Variants in AVPI1 observed in about 807,000 individuals in gnomAD.
AVPI1 encodes arginine vasopressin induced 1.
A neutral mutation model predicts 11.9 loss-of-function variants in AVPI1; 9 were observed. The observed-to-expected ratio is 0.76, with a 90% CI of 0.46 to 1.32. The LOEUF is 1.32. Among genes scored for constraint, AVPI1 ranks in the 40% most tolerant of loss-of-function variants. The pLI, the probability that AVPI1 is intolerant of heterozygous loss-of-function variation, is 0.00. For missense variants in AVPI1, 207 were observed against 195.8 expected (o/e 1.06, Z -0.34); for synonymous variants, 68 against 78.1 (o/e 0.87, Z 0.68).
intron 1 of AVPI1, among the ~76,000 whole-genome samples, chr10:97,682,950 T>G (rs2041711916): frequency 6.6e-6 from 1 of 152,194 alleles, no homozygotes; most frequent in Non-Finnish European, 1.5e-5. Context: ...GTAACACTTT[T>G]AGGCTGATAA....
intron 2 of AVPI1, among the ~76,000 whole-genome samples, chr10:97,678,922 T>TTTTCAGAGACA (rs1564779832): frequency 5.8e-5 from 1 of 17,274 alleles, no homozygotes; most frequent in East Asian, 1.0e-3. Context: ...TGTGTGTGTG[T>TTTTCAGAGACA]GTGTGTGTGT....
In AVPI1 at chr10:97,679,805, G is replaced by A; in HGVS notation, c.101C>T (p.Ala34Val). The A allele has an allele frequency of 6.2e-7, 1 of 1,613,462 alleles. No homozygotes were observed. The highest frequency in any genetic ancestry group is 8.5e-7 in the Non-Finnish European group (1 of 1,179,930). The change falls in exon 2 of 3, where the codon GCC becomes GTC. Residue 34 changes from alanine (A) to valine (V), a missense_variant. Coordinates refer to ENST00000370626, the MANE Select transcript of AVPI1 (RefSeq NM_021732.3). ...KQASANIFQD[A>V]ELLQIQALFQ... ...CAGGGCTTGGATCTGCAGCAGCTCG[G>A]CGTCCTGGAAGATGTTGGCCGAGGC...
At position 97,679,606 on chromosome 10, in the gene AVPI1, T is replaced by C. The variant is rs1217673821; in HGVS notation, c.287+13A>G. The C allele has an allele frequency of 1.2e-6, 2 of 1,602,850 alleles. No individual in the cohort carries two copies. The highest frequency in any genetic ancestry group is 1.7e-6 in the Non-Finnish European group (2 of 1,173,778). On this transcript the variant is annotated intron_variant, in intron 2 of 2. Transcript: ENST00000370626. The stretch of plus-strand genomic sequence containing the variant: ...AGTGCTCTTCCCTCAGCCATCCGGT[T>C]CTAGGAACCTACCTGAGGCGGCTGC...
chr10:97,686,516 G>A (rs1475138297), intron 1 of AVPI1, among the ~76,000 whole-genome samples: 1 of 152,194 alleles, frequency 6.6e-6, no homozygotes, highest in East Asian at 1.9e-4. Flanking sequence ...GCTGGCAGGT[G>A]ATGGAAGCTG....
chr10:97,686,059 G>C (rs2041726943), intron 1 of AVPI1, among the ~76,000 whole-genome samples: 1 of 152,130 alleles, frequency 6.6e-6, no homozygotes, highest in African/African-American at 2.4e-5. Context: ...GAGGTGGGAG[G>C]ATTGCTTGAG....
chr10:97,678,714 T>TGTCACTCAG (rs2041679596), intron 2 of AVPI1, among the ~76,000 whole-genome samples: 1 of 150,796 alleles, frequency 6.6e-6, no homozygotes, highest in South Asian at 2.1e-4. Flanking sequence ...AATCTCACTC[T>TGTCACTCAG]GTCACTCAGG....
At chr10:97,678,549 A>G (rs1414327335) in intron 2 of AVPI1, among the ~76,000 whole-genome samples, 3 of 152,200 alleles carry the variant, frequency 2.0e-5, no homozygotes, top group Non-Finnish European at 4.4e-5. Flanking sequence ...GCCTAGGCAA[A>G]GAAGTGGCCC....
intron 2 of AVPI1, among the ~76,000 whole-genome samples, chr10:97,678,316 A>C (rs1454086861): frequency 6.6e-6 from 1 of 152,238 alleles, no homozygotes; most frequent in Non-Finnish European, 1.5e-5. Flanking sequence ...TGGTTTGATA[A>C]GCAGTGACTA....
At position 97,686,925 on chromosome 10, in the gene AVPI1, A is replaced by C. The variant is rs1232018174; in HGVS notation, c.-170T>G. On this transcript the variant is annotated 5_prime_UTR_variant, in exon 1 of 3. Transcript: ENST00000370626. ...ATCACGGGCAGCACAAGAGCATGGCAGAGGGTATCCTGGCCGAGGTCCTAA... is the reference window on the plus strand; with the variant it reads ...ATCACGGGCAGCACAAGAGCATGGCCGAGGGTATCCTGGCCGAGGTCCTAA... 6.6e-6 allele frequency: 1 copy of C among 152,338 alleles called. No homozygotes were observed. The highest frequency in any genetic ancestry group is 2.4e-5 in the African/African-American group (1 of 41,436). 9.4% of individuals were successfully genotyped at this position (152,338 alleles called of 1,614,324 possible).
At chr10:97,681,490 G>A (rs1274525825) in intron 1 of AVPI1, among the ~76,000 whole-genome samples, 1 of 151,774 alleles carries the variant, frequency 6.6e-6, no homozygotes, top group Non-Finnish European at 1.5e-5. Flanking sequence ...GCTGAGGCAG[G>A]AGAATCACTT....
intron 2 of AVPI1, 29 bp downstream of exon 2, chr10:97,679,590 C>A: frequency 6.3e-7 from 1 of 1,584,462 alleles, no homozygotes; most frequent in Admixed American, 1.8e-5. Context: ...TAGTGCTCTT[C>A]CCTCAGCCAT....
At chr10:97,684,450 G>A (rs1464235060) in intron 1 of AVPI1, among the ~76,000 whole-genome samples, 1 of 151,492 alleles carries the variant, frequency 6.6e-6, no homozygotes, top group Admixed American at 6.6e-5. Context: ...TGAACCTTAG[G>A]GAGGGCCTAG....
At chr10:97,683,247 T>C (rs529606129) in intron 1 of AVPI1, among the ~76,000 whole-genome samples, 5 of 152,184 alleles carry the variant, frequency 3.3e-5, no homozygotes, top group Admixed American at 3.3e-4. Flanking sequence ...AACCTCTACC[T>C]CCTGAGTTCA....
intron 2 of AVPI1, among the ~76,000 whole-genome samples, chr10:97,679,146 T>C (rs1279054477): frequency 1.4e-5 from 2 of 147,648 alleles, no homozygotes; most frequent in African/African-American, 5.0e-5. Context: ...GCAATCTTTT[T>C]TTTTTTTTTT....
At position 97,677,657 on chromosome 10, in the gene AVPI1, C is replaced by G. The variant is rs968682712; in HGVS notation, c.*212G>C. On this transcript the variant is annotated 3_prime_UTR_variant, in exon 3 of 3. Coordinates refer to ENST00000370626, the MANE Select transcript of AVPI1 (RefSeq NM_021732.3). ...GGAAGGACTGTGGCAGGAACAGTCA[C>G]TGTCTCTCCTCATTTTGGTGAGGAA... The G allele has an allele frequency of 1.8e-6, 1 of 559,478 alleles. No homozygotes were observed. The highest frequency in any genetic ancestry group is 3.2e-6 in the Non-Finnish European group (1 of 316,368). The allele number at this position is 559,478 out of a possible 1,614,324, so 34.7% of individuals were successfully genotyped here.
At chr10:97,678,513 G>T (rs1282106105) in intron 2 of AVPI1, among the ~76,000 whole-genome samples, 1 of 152,066 alleles carries the variant, frequency 6.6e-6, no homozygotes, top group Admixed American at 6.6e-5. Flanking sequence ...CATCCCTTTG[G>T]GTTCACTCTT....
At chr10:97,682,561 GT>G (rs967469230) in intron 1 of AVPI1, among the ~76,000 whole-genome samples, 1 of 152,046 alleles carries the variant, frequency 6.6e-6, no homozygotes, top group Non-Finnish European at 1.5e-5. Context: ...CTCTGTAAGA[GT>G]TTGAATTGTC....
chr10:97,678,920 T>TTTTCAGAGACAGGATCTCGCC (rs1423628272), intron 2 of AVPI1, among the ~76,000 whole-genome samples: 9 of 14,478 alleles, frequency 6.2e-4, no homozygotes, highest in East Asian at 4.5e-3. Flanking sequence ...TGTGTGTGTG[T>TTTTCAGAGACAGGATCTCGCC]GTGTGTGTGT....
chr10:97,679,386 G>A (rs1261356414), intron 2 of AVPI1, among the ~76,000 whole-genome samples: 1 of 152,000 alleles, frequency 6.6e-6, no homozygotes, highest in Non-Finnish European at 1.5e-5. Context: ...CTAGTGATCT[G>A]CCTGCCTCGG....
Sources: allele counts gnomAD v4.1 joint callset (sites outside exome capture counted in the v4.1 genomes callset), GRCh38; gene constraint gnomAD v4.1.1; transcripts MANE v1.5; gene names NCBI Gene and HGNC (gene_info 2026-07-23, HGNC 2026-07-21).